Variants in ADAMTSL3 observed in about 807,000 individuals in gnomAD.
ADAMTSL3 encodes the protein ADAMTS like 3, also known as ADAMTS-like protein 3.
A neutral mutation model predicts 201.7 loss-of-function variants in ADAMTSL3; 128 were observed. That is an observed-to-expected ratio of 0.63 (90% CI 0.55 to 0.73). ADAMTSL3 has a LOEUF of 0.73. Ranked by LOEUF, ADAMTSL3 falls within the 30% of genes least tolerant of loss-of-function variation. The probability of loss-of-function intolerance (pLI) is 0.00; values close to 1 mark genes in which losing one functional copy is unlikely to be tolerated. For synonymous variants in ADAMTSL3, 738 were observed against 748.4 expected (o/e 0.99, Z 0.23); for missense variants, 1,990 against 2,119.6 (o/e 0.94, Z 1.20).
chr15:83,986,960 C>T (rs757113135), intron 21 of ADAMTSL3, among the ~76,000 whole-genome samples: 20 of 152,184 alleles, frequency 1.3e-4, no homozygotes, highest in Non-Finnish European at 2.6e-4. Flanking sequence ...CCCAGTGGCC[C>T]CACCTGTCAT....
chr15:83,703,055 C>A (rs186011004), intron 2 of ADAMTSL3, among the ~76,000 whole-genome samples: 1 of 152,166 alleles, frequency 6.6e-6, no homozygotes, highest in Non-Finnish European at 1.5e-5. Flanking sequence ...GGACATGAGA[C>A]CTGGAGTGAA....
At chr15:83,704,105 G>T (rs1156519840) in intron 2 of ADAMTSL3, among the ~76,000 whole-genome samples, 2 of 152,146 alleles carry the variant, frequency 1.3e-5, no homozygotes, top group Non-Finnish European at 2.9e-5. Context: ...TGAATTGCTG[G>T]AAGATGGGGA....
chr15:83,674,219 A>G (rs1396134220), intron 2 of ADAMTSL3, among the ~76,000 whole-genome samples: 2 of 151,848 alleles, frequency 1.3e-5, no homozygotes, highest in East Asian at 3.9e-4. Context: ...TTATAGTTTT[A>G]TATTTTATAT....
intron 6 of ADAMTSL3, among the ~76,000 whole-genome samples, chr15:83,831,047 C>G (rs1468238187): frequency 6.6e-6 from 1 of 152,114 alleles, no homozygotes; most frequent in Non-Finnish European, 1.5e-5. Flanking sequence ...AGTTGATAGG[C>G]AGAAACAAAG....
intron 17 of ADAMTSL3, among the ~76,000 whole-genome samples, chr15:83,939,283 T>C (rs984952869): frequency 6.6e-6 from 1 of 152,118 alleles, no homozygotes; most frequent in Non-Finnish European, 1.5e-5. Flanking sequence ...AAGGTTGGAA[T>C]TGTTTATGCC....
chr15:83,988,814 T>C lies in ADAMTSL3; in HGVS notation c.3840T>C (p.Tyr1280=), dbSNP rs150776556. 5 of 1,528,774 alleles carry C rather than the reference T, an allele frequency of 3.3e-6. No individual in the cohort carries two copies. The highest frequency in any genetic ancestry group is 2.4e-5 in the East Asian group (1 of 42,424). The allele number at this position is 1,528,774 out of a possible 1,614,324, so 94.7% of individuals were successfully genotyped here. A position where few individuals can be genotyped will look rare whatever the true frequency, so the allele number is the denominator to read the frequency against. The part of the protein sequence containing the change: ...GSDVESSSVL[Y]AEAPVILSVE... ...ATGTGGAAAGTTCTTCTGTGCTGTA[T>C]GCAGGTAATGCCCACTGTTGAAATC... The change falls in exon 22 of 30, where the codon TAT becomes TAC. Residue 1280 remains tyrosine (Y), a synonymous_variant. Coordinates refer to ENST00000286744, the MANE Select transcript of ADAMTSL3 (RefSeq NM_207517.3).
rs539492792 is a variant in ADAMTSL3, at chr15:83,821,107, A to G, written c.600+1060A>G. ...AAAAAAATTAAAAAGACACTATGAC[A>G]GGTTGTGAGACAGGGATGGCAGGGA... is the stretch of plus-strand genomic sequence containing the variant. On this transcript the variant is annotated intron_variant, in intron 6 of 29. Coordinates refer to ENST00000286744, the MANE Select transcript of ADAMTSL3 (RefSeq NM_207517.3). Among the ~76,000 whole-genome samples, 7 of 152,246 alleles carry G rather than the reference A, an allele frequency of 4.6e-5. No homozygotes were observed. The South Asian group carries it at 1.5e-3, about 32-fold the overall frequency.
chr15:84,013,214 A>G (rs1212450317), intron 23 of ADAMTSL3, among the ~76,000 whole-genome samples: 2 of 152,220 alleles, frequency 1.3e-5, no homozygotes, highest in Non-Finnish European at 2.9e-5. Context: ...CCTGAAGTCA[A>G]AAGGCTTACC....
chr15:83,894,918 A>G (rs1056940415), intron 13 of ADAMTSL3, among the ~76,000 whole-genome samples: 26 of 152,198 alleles, frequency 1.7e-4, no homozygotes, highest in Admixed American at 1.3e-4. Context: ...ACATGCATTA[A>G]TATATCTTGA....
chr15:83,925,806 T>C (rs1425391868), intron 17 of ADAMTSL3, among the ~76,000 whole-genome samples: 1 of 152,190 alleles, frequency 6.6e-6, no homozygotes, highest in Non-Finnish European at 1.5e-5. Context: ...TTAGATACTT[T>C]TGGAAAAGCT....
chr15:83,666,716 G>T (rs1160539186), intron 2 of ADAMTSL3, among the ~76,000 whole-genome samples: 1 of 152,004 alleles, frequency 6.6e-6, no homozygotes, highest in East Asian at 1.9e-4. Context: ...TGGTGTGTGT[G>T]CCTGTGGTGC....
intron 3 of ADAMTSL3, among the ~76,000 whole-genome samples, chr15:83,724,837 C>T (rs1470273869): frequency 6.6e-6 from 1 of 152,098 alleles, no homozygotes; most frequent in African/African-American, 2.4e-5. Flanking sequence ...TTTCACTTAG[C>T]ATAAAGACCT....
chr15:83,956,319 G>A (rs1483416949), intron 19 of ADAMTSL3, among the ~76,000 whole-genome samples: 1 of 152,184 alleles, frequency 6.6e-6, no homozygotes, highest in Non-Finnish European at 1.5e-5. Flanking sequence ...GGTGATTTAA[G>A]GCCATCTTTT....
At position 83,708,425 on chromosome 15, in the gene ADAMTSL3, G is replaced by GC. The variant is rs569740380; in HGVS notation, c.189+3919dup. Among the ~76,000 whole-genome samples, 379 of 152,262 alleles carry GC rather than the reference G, an allele frequency of 2.5e-3. 1 individual carries two copies. The highest frequency in any genetic ancestry group is 8.7e-3 in the African/African-American group (362 of 41,544). On this transcript the variant is annotated intron_variant, in intron 3 of 29. Coordinates refer to ENST00000286744, the MANE Select transcript of ADAMTSL3 (RefSeq NM_207517.3). ...TGCCTGGAAAACTAATAACCCTGAG[G>GC]CCAGTAACACATAGCTGTGATGTAG...
intron 4 of ADAMTSL3, among the ~76,000 whole-genome samples, chr15:83,801,637 A>AATATATATATATATATATATATAT (rs1212487067): frequency 1.9e-5 from 1 of 53,344 alleles, no homozygotes; most frequent in Non-Finnish European, 3.4e-5. Flanking sequence ...TATATATATA[A>AATATATATATATATATATATATAT]ATATATAAAT....
chr15:83,680,788 T>C (rs2061467381), intron 2 of ADAMTSL3, among the ~76,000 whole-genome samples: 1 of 152,108 alleles, frequency 6.6e-6, no homozygotes. Flanking sequence ...ATTATTTTTT[T>C]ATACTAGCTC....
At chr15:84,013,671 G>T (rs970036794) in intron 23 of ADAMTSL3, among the ~76,000 whole-genome samples, 9 of 152,254 alleles carry the variant, frequency 5.9e-5, no homozygotes, top group East Asian at 3.9e-4. Context: ...CTACTTGGAG[G>T]CTGAGGAAGG....
chr15:83,855,149 A>G (rs1298240556), intron 7 of ADAMTSL3, among the ~76,000 whole-genome samples: 3 of 152,136 alleles, frequency 2.0e-5, no homozygotes, highest in Admixed American at 1.3e-4. Context: ...TAGAGTCTGT[A>G]GGTTAGCCAT....
chr15:83,677,743 T>A (rs2061426118), intron 2 of ADAMTSL3, among the ~76,000 whole-genome samples: 1 of 152,120 alleles, frequency 6.6e-6, no homozygotes, highest in Non-Finnish European at 1.5e-5. Flanking sequence ...GGTATATCAG[T>A]GTATTTGCTG....
Sources: gnomAD v4.1 joint callset for allele counts (sites outside exome capture counted in the v4.1 genomes callset) on GRCh38, gnomAD v4.1.1 for gene constraint, MANE v1.5 for transcripts, NCBI Gene and HGNC (gene_info 2026-07-23, HGNC 2026-07-21) for gene names.